Variants in CCDC18 observed in about 807,000 individuals in gnomAD.
CCDC18 encodes the protein coiled-coil domain-containing protein 18.
In CCDC18, 157 loss-of-function variants were observed where a neutral mutation model predicts 196.0. The observed-to-expected ratio is 0.80, with a 90% confidence interval of 0.70 to 0.91. The LOEUF (loss-of-function observed/expected upper bound fraction) is 0.91. Ranked by LOEUF, CCDC18 falls within the 40% of genes least tolerant of loss-of-function variation. The pLI is 0.00. For missense variants in CCDC18, 1,465 were observed against 1,611.6 expected (o/e 0.91, Z 1.56); for synonymous variants, 482 against 529.2 (o/e 0.91, Z 1.22).
At chr1:93,207,981 C>T (rs1309233975) in intron 9 of CCDC18, among the ~76,000 whole-genome samples, 1 of 150,682 alleles carries the variant, frequency 6.6e-6, no homozygotes, top group African/African-American at 2.4e-5. Flanking sequence ...AATAGTATTT[C>T]ATTATATAGA....
At position 93,212,268 on chromosome 1, in the gene CCDC18, A is replaced by G; in HGVS notation, c.1495+7A>G. On this transcript the variant is annotated splice_region_variant and intron_variant, in intron 11 of 28. Transcript: ENST00000690025. ...CTAGGTGGTCATCAAGTAGGTAAGTATATTGAGTTATTTTAATAAATTATA... is the reference window on the plus strand; with the variant it reads ...CTAGGTGGTCATCAAGTAGGTAAGTGTATTGAGTTATTTTAATAAATTATA... 6 of 1,481,084 alleles carry G rather than the reference A, an allele frequency of 4.1e-6. No individual in the cohort carries two copies. Among genetic ancestry groups the G allele is most frequent in the Non-Finnish European group, 5.4e-6 (6 of 1,105,178 alleles). 91.7% of individuals were successfully genotyped at this position (1,481,084 alleles called of 1,614,324 possible). A position where few individuals can be genotyped will look rare whatever the true frequency, so the allele number is the denominator to read the frequency against.
chr1:93,237,545 C>G (rs1660224861), intron 19 of CCDC18, among the ~76,000 whole-genome samples: 1 of 152,186 alleles, frequency 6.6e-6, no homozygotes. Flanking sequence ...TAATAGAAAC[C>G]TGGCCCTCCC....
chr1:93,206,028 C>T (rs184208615), intron 8 of CCDC18, among the ~76,000 whole-genome samples: 35 of 152,120 alleles, frequency 2.3e-4, no homozygotes, highest in Admixed American at 5.9e-4. Flanking sequence ...ACAGAAGCCC[C>T]GAGAGTAGCC....
At chr1:93,227,110 T>C (rs1459536100) in intron 17 of CCDC18, among the ~76,000 whole-genome samples, 3 of 151,864 alleles carry the variant, frequency 2.0e-5, no homozygotes, top group Non-Finnish European at 2.9e-5. Flanking sequence ...GTCTGTAGGA[T>C]TGAGAATTAA....
At chr1:93,183,277 G>T in intron 1 of CCDC18, 83 bp from the exon 2 acceptor site, 1 of 976,392 alleles carries the variant, frequency 1.0e-6, no homozygotes, top group South Asian at 2.4e-5. Context: ...AAACTAATGA[G>T]TTAAATTCTA....
chr1:93,232,794 A>C lies in CCDC18; in HGVS notation c.2460+201A>C, dbSNP rs566672113. On this transcript the variant is annotated intron_variant, in intron 18 of 28. Coordinates refer to ENST00000690025, the MANE Select transcript of CCDC18 (RefSeq NM_001378204.1). ...GAGACGAGCCTGGCCAACATGGCCA[A>C]ACCTCGTCTCTACTAAAAATACAAA... 3.6e-4 allele frequency among the ~76,000 whole-genome samples: 55 copies of C among 152,300 alleles called. 1 individual carries two copies. The East Asian group carries it at 0.011, about 29-fold the overall frequency.
At chr1:93,228,154 CAG>C (rs1658700288) in intron 17 of CCDC18, among the ~76,000 whole-genome samples, 1 of 151,722 alleles carries the variant, frequency 6.6e-6, no homozygotes, top group Non-Finnish European at 1.5e-5. Context: ...CACAGTGACT[CAG>C]AGATTATTAT....
At chr1:93,187,662 T>C (rs948479462) in intron 4 of CCDC18, among the ~76,000 whole-genome samples, 1 of 152,148 alleles carries the variant, frequency 6.6e-6, no homozygotes, top group Non-Finnish European at 1.5e-5. Flanking sequence ...AACAAAATGC[T>C]ATTAGGGATT....
chr1:93,184,212 A>AT (rs1650239626), intron 3 of CCDC18, 66 bp downstream of exon 3: 9 of 816,296 alleles, frequency 1.1e-5, no homozygotes, highest in East Asian at 3.6e-5. Context: ...CTTAAAAAAA[A>AT]TTTTTTTTAA....
At chr1:93,234,934 AGAGTGT>A (rs1331041208) in intron 18 of CCDC18, among the ~76,000 whole-genome samples, 2 of 67,852 alleles carry the variant, frequency 2.9e-5, no homozygotes, top group Admixed American at 1.3e-4. Flanking sequence ...TGCCCAGCTA[AGAGTGT>A]GTGTGTGTGT....
intron 21 of CCDC18, 97 bp downstream of exon 21, chr1:93,239,993 G>C (rs186689455): frequency 6.8e-5 from 59 of 873,836 alleles, no homozygotes; most frequent in Non-Finnish European, 9.4e-5. Context: ...TTTCTCAACT[G>C]TCTTTGGCTC....
chr1:93,223,257 A>G (rs1657740108), intron 16 of CCDC18, among the ~76,000 whole-genome samples: 1 of 152,208 alleles, frequency 6.6e-6, no homozygotes, highest in Non-Finnish European at 1.5e-5. Flanking sequence ...CAGCAAAAGA[A>G]TGAAGTATGA....
chr1:93,194,728 T>G (rs1457687299), intron 6 of CCDC18, among the ~76,000 whole-genome samples: 1 of 152,192 alleles, frequency 6.6e-6, no homozygotes, highest in Non-Finnish European at 1.5e-5. Flanking sequence ...GCTTTGCACG[T>G]GGTTAGTTAA....
In CCDC18 at chr1:93,272,235, G is replaced by A. The variant is rs145017200; in HGVS notation, c.4353+1421G>A. 2.6e-3 allele frequency among the ~76,000 whole-genome samples: 401 copies of A among 152,310 alleles called. 1 individual carries two copies. The highest frequency in any genetic ancestry group is 6.6e-3 in the South Asian group (32 of 4,826). On this transcript the variant is annotated intron_variant, in intron 28 of 28. Transcript: ENST00000690025. ...ATTGATTGTCTCCCCCACTGAAAATGTAAGCTCTGTGTGGAGAGGGTATGG... is the reference window on the plus strand; with the variant it reads ...ATTGATTGTCTCCCCCACTGAAAATATAAGCTCTGTGTGGAGAGGGTATGG...
At chr1:93,254,815 T>C (rs1486644749) in intron 24 of CCDC18, among the ~76,000 whole-genome samples, 1 of 152,142 alleles carries the variant, frequency 6.6e-6, no homozygotes, top group Admixed American at 6.5e-5. Flanking sequence ...GCAAAGACAG[T>C]GTCTTATTTA....
rs571582818 is a variant in CCDC18 at position 93,252,542 on chromosome 1, GTT to G, written c.3199-1927_3199-1926del. The stretch of plus-strand genomic sequence containing the variant: ...AATTGATTCCCTGCGTCGTCTTAGA[GTT>G]TGTTGAACTTCCTTAAAATACCTAT... On this transcript the variant is annotated intron_variant, in intron 23 of 28. Coordinates refer to ENST00000690025, the MANE Select transcript of CCDC18 (RefSeq NM_001378204.1). Among the ~76,000 whole-genome samples, 20 of 151,402 alleles carry G rather than the reference GTT, an allele frequency of 1.3e-4. No individual in the cohort carries two copies. In the East Asian group the frequency reaches 3.7e-3, roughly 28 times the overall value.
intron 8 of CCDC18, 136 bp from the exon 9 acceptor site, chr1:93,206,971 G>A: frequency 5.8e-6 from 3 of 515,806 alleles, no homozygotes; most frequent in Non-Finnish European, 1.0e-5. Flanking sequence ...CATGCAGAAA[G>A]TAGGTATTTA....
chr1:93,260,052 A>G (rs2101165503), intron 26 of CCDC18, among the ~76,000 whole-genome samples: 1 of 152,304 alleles, frequency 6.6e-6, no homozygotes, highest in Middle Eastern at 3.4e-3. Flanking sequence ...CAGAGCTCAG[A>G]TAACCCTCCC....
At chr1:93,275,275 T>G (rs1426202785) in intron 28 of CCDC18, among the ~76,000 whole-genome samples, 1 of 152,070 alleles carries the variant, frequency 6.6e-6, no homozygotes, top group Non-Finnish European at 1.5e-5. Context: ...GCCTGGCTAA[T>G]TTTTGCATTT....
Sources: allele counts gnomAD v4.1 joint callset (sites outside exome capture counted in the v4.1 genomes callset), GRCh38; gene constraint gnomAD v4.1.1; transcripts MANE v1.5; gene names NCBI Gene and HGNC (gene_info 2026-07-23, HGNC 2026-07-21).